The following HTT variants were observed in gnomAD, a reference collection of about 807,000 sequenced individuals.
HTT encodes the protein huntingtin.
A neutral mutation model predicts 362.3 loss-of-function variants in HTT; 104 were observed. The observed-to-expected ratio is 0.29, with a 90% CI of 0.24 to 0.34. The LOEUF is 0.34. Ranked by LOEUF, HTT falls within the 10% of genes least tolerant of loss-of-function variation. The pLI is 1.00. For synonymous variants in HTT, 1,577 were observed against 1,548.7 expected (o/e 1.02, Z -0.43); for missense variants, 3,301 against 3,928.6 (o/e 0.84, Z 4.27).
chr4:3,149,323 G>C (rs962633996), intron 26 of HTT, among the ~76,000 whole-genome samples: 1 of 140,822 alleles, frequency 7.1e-6, no homozygotes, highest in African/African-American at 2.7e-5. Flanking sequence ...TTGAGATGGA[G>C]TTTCATTCTT....
At chr4:3,148,236 T>A in intron 26 of HTT, 29 bp downstream of exon 26, 1 of 1,496,776 alleles carries the variant, frequency 6.7e-7, no homozygotes, top group Non-Finnish European at 9.1e-7. Flanking sequence ...GCTGGATTCA[T>A]ACAGCCTTAA....
chr4:3,122,886 C>A lies in HTT; in HGVS notation c.1274-3C>A. The A allele has an allele frequency of 6.2e-7, 1 of 1,602,922 alleles. No homozygotes were observed. The highest frequency in any genetic ancestry group is 8.5e-7 in the Non-Finnish European group (1 of 1,173,538). Reference sequence around the variant, plus strand: ...TTTATCTGTCACTTTCTGTGATTTGCAGCTGGAGGGGGTTCCTCATGCAGC... The same window carrying A: ...TTTATCTGTCACTTTCTGTGATTTGAAGCTGGAGGGGGTTCCTCATGCAGC... On this transcript the variant is annotated splice_region_variant and splice_polypyrimidine_tract_variant and intron_variant, in intron 9 of 66. Transcript: ENST00000355072.
intron 41 of HTT, among the ~76,000 whole-genome samples, chr4:3,203,392 G>C (rs1047965844): frequency 2.6e-5 from 4 of 152,232 alleles, no homozygotes; most frequent in Non-Finnish European, 4.4e-5. Flanking sequence ...CAGTTTGGGA[G>C]TGTGTCAACA....
rs904744419 is a variant in HTT at position 3,115,326 on chromosome 4, C to T, written c.770C>T (p.Ala257Val). 1.9e-5 allele frequency: 30 copies of T among 1,613,970 alleles called. No individual in the cohort carries two copies. The highest frequency in any genetic ancestry group is 1.6e-4 in the Middle Eastern group (1 of 6,084). ...TAGGTTTTGTTAAAGGCCTTCATAGCGAACCTGAAGTCAAGCTCCCCCACC... is the reference window on the plus strand; with the variant it reads ...TAGGTTTTGTTAAAGGCCTTCATAGTGAACCTGAAGTCAAGCTCCCCCACC... Reference protein sequence around the residue: ...EIKVLLKAFIANLKSSSPTIR... With the variant: ...EIKVLLKAFIVNLKSSSPTIR... Residue 257 changes from alanine to valine, a missense_variant, in exon 7 of 67, where the codon GCG becomes GTG. Physicochemically the swap from Ala to Val is moderately conservative, Grantham distance 64. Around this residue, in one of 4 missense-constraint regions of HTT, gnomAD observed 2,316 missense variants for 2,658.5 expected, o/e 0.87. Coordinates refer to ENST00000355072, the MANE Select transcript of HTT (RefSeq NM_001388492.1).
chr4:3,174,322 A>G (rs768334792), intron 31 of HTT, among the ~76,000 whole-genome samples: 1 of 152,224 alleles, frequency 6.6e-6, no homozygotes, highest in Non-Finnish European at 1.5e-5. Flanking sequence ...TAGAAGGGAT[A>G]TCATTGATGT....
At chr4:3,188,454 G>A (rs1196765056) in intron 39 of HTT, 1 of 167,096 alleles carries the variant, frequency 6.0e-6, no homozygotes, top group African/African-American at 2.4e-5. Context: ...CATTCACTGA[G>A]TTAGAGCTGC....
At chr4:3,084,564 C>T (rs957012367) in intron 1 of HTT, among the ~76,000 whole-genome samples, 1 of 151,850 alleles carries the variant, frequency 6.6e-6, no homozygotes, top group Non-Finnish European at 1.5e-5. Flanking sequence ...GTGGTGTGCA[C>T]CTGTAGTCCC....
In HTT at chr4:3,209,797, T is replaced by C. The variant is rs781630956; in HGVS notation, c.6292-30T>C. On this transcript the variant is annotated intron_variant, in intron 46 of 66. Transcript: ENST00000355072. ...AAGTCCCCTTGAACGCCGCCCATCA[T>C]GTTCCCCTTATCCATTTTTTTCTTC... 3.1e-6 allele frequency: 5 copies of C among 1,611,496 alleles called. No homozygotes were observed. The East Asian group carries it at 8.9e-5, about 29-fold the overall frequency.
chr4:3,124,861 A>G (rs1209530321), intron 10 of HTT, among the ~76,000 whole-genome samples: 2 of 152,196 alleles, frequency 1.3e-5, no homozygotes, highest in Non-Finnish European at 2.9e-5. Context: ...GAAATTCCCA[A>G]TAATTATTTT....
chr4:3,092,377 AC>A (rs1474040897), intron 2 of HTT, among the ~76,000 whole-genome samples: 1 of 152,072 alleles, frequency 6.6e-6, no homozygotes, highest in Non-Finnish European at 1.5e-5. Context: ...TATTTTGTTT[AC>A]TTTTTATTAA....
chr4:3,081,256 C>T (rs936089153), intron 1 of HTT, among the ~76,000 whole-genome samples: 24 of 152,284 alleles, frequency 1.6e-4, no homozygotes, highest in Admixed American at 2.6e-4. Flanking sequence ...GTAAGTATTT[C>T]GGGCTGTGTG....
At chr4:3,164,503 T>C (rs1259339102) in intron 29 of HTT, among the ~76,000 whole-genome samples, 1 of 152,206 alleles carries the variant, frequency 6.6e-6, no homozygotes, top group African/African-American at 2.4e-5. Flanking sequence ...GGCTCATTGA[T>C]CTGCCTAATA....
chr4:3,140,607 A>G lies in HTT; in HGVS notation c.2896A>G (p.Met966Val). The part of the protein sequence containing the change: ...DQSSVYLKLL[M>V]HETQPPSHFS... ...AAGCAGTGTTTACCTGAAACTTCTC[A>G]TGCATGAGACGCAGCCTCCATCTCA... Residue 966 changes from methionine to valine, a missense_variant, in exon 22 of 67, where the codon ATG becomes GTG. Coordinates refer to ENST00000355072, the MANE Select transcript of HTT (RefSeq NM_001388492.1). 2 of 1,614,206 alleles carry G rather than the reference A, an allele frequency of 1.2e-6. No homozygotes were observed. Among genetic ancestry groups the G allele is most frequent in the Non-Finnish European group, 1.7e-6 (2 of 1,179,986 alleles).
chr4:3,111,348 C>T (rs1200007935), intron 6 of HTT, among the ~76,000 whole-genome samples: 1 of 152,124 alleles, frequency 6.6e-6, no homozygotes, highest in South Asian at 2.1e-4. Flanking sequence ...TGTGCACCAC[C>T]ATGCCCGGCT....
chr4:3,157,131 A>G lies in HTT; in HGVS notation c.3685A>G (p.Ser1229Gly), dbSNP rs1275135995. Residue 1229 changes from serine (S) to glycine (G), a missense_variant, in exon 28 of 67, where the codon AGT becomes GGT. Transcript: ENST00000355072. ...VTTSKSSSLG[S>G]FYHLPSYLKL... ...AACAAGTAAATCCTCATCACTGGGG[A>G]GTTTCTATCATCTTCCTTCATACCT... 6.2e-7 allele frequency: 1 copy of G among 1,612,942 alleles called. No homozygotes were observed. The highest frequency in any genetic ancestry group is 1.1e-5 in the South Asian group (1 of 91,058).
At chr4:3,112,065 C>G (rs539631994) in intron 6 of HTT, among the ~76,000 whole-genome samples, 1 of 152,150 alleles carries the variant, frequency 6.6e-6, no homozygotes, top group African/African-American at 2.4e-5. Flanking sequence ...TGTTGACACC[C>G]GTAGTCTGCT....
chr4:3,105,316 A>G lies in HTT; in HGVS notation c.529-41A>G, dbSNP rs550054366. 31 of 1,286,388 alleles carry G rather than the reference A, an allele frequency of 2.4e-5. No homozygotes were observed. In the East Asian group the frequency reaches 7.2e-4, roughly 30 times the overall value. The allele number at this position is 1,286,388 out of a possible 1,614,324, so 79.7% of individuals were successfully genotyped here. On this transcript the variant is annotated intron_variant, in intron 4 of 66. Transcript: ENST00000355072. ...TTTCTATGCAACCCTCTTGGTGACT[A>G]GTATGTGACTCTTAATGCAACCCTC...
At chr4:3,155,001 C>G (rs1717071965) in intron 27 of HTT, among the ~76,000 whole-genome samples, 1 of 151,840 alleles carries the variant, frequency 6.6e-6, no homozygotes, top group East Asian at 1.9e-4. Context: ...CCCATCCATA[C>G]TGCTCTCGGT....
chr4:3,137,528 G>C (rs533605089), intron 21 of HTT, among the ~76,000 whole-genome samples: 1 of 152,042 alleles, frequency 6.6e-6, no homozygotes, highest in African/African-American at 2.4e-5. Flanking sequence ...GTGAAACCTT[G>C]TCTCTACTAA....
Sources: allele counts gnomAD v4.1 joint callset (sites outside exome capture counted in the v4.1 genomes callset), GRCh38; gene constraint gnomAD v4.1.1; regional missense constraint gnomAD v4.1.1; transcripts MANE v1.5; gene names NCBI Gene and HGNC (gene_info 2026-07-23, HGNC 2026-07-21).